The following C11orf91 variants were observed in gnomAD, a reference collection of about 807,000 sequenced individuals.
C11orf91 encodes uncharacterized protein C11orf91.
Under a neutral mutation model 14.3 loss-of-function variants are expected in C11orf91, and 10 were observed. The observed-to-expected ratio is 0.70, with a 90% CI of 0.43 to 1.18. The LOEUF is 1.18. C11orf91 is among the 50% of genes most tolerant of loss of function. The pLI is 0.00. For synonymous variants in C11orf91, 141 were observed against 130.6 expected, an observed-to-expected ratio of 1.08 and a Z score of -0.54; for missense variants, 236 against 269.0, an observed-to-expected ratio of 0.88 and a Z score of 0.86.
chr11:33,700,538 G>T lies in C11orf91; in HGVS notation c.203C>A (p.Ala68Glu), dbSNP rs149234067. The T allele has an allele frequency of 0.29, 394,797 of 1,375,502 alleles. 59,196 individuals carry two copies. The highest frequency in any genetic ancestry group is 0.37 in the Middle Eastern group (1,385 of 3,766). 85.2% of individuals were successfully genotyped at this position (1,375,502 alleles called of 1,614,324 possible). Residue 68 changes from alanine (A) to glutamate (E), a missense_variant, in exon 1 of 2, where the codon GCG becomes GAG. Transcript: ENST00000379011. ...GAAGARSLSQALPAPAPPPPP... is the reference protein window; with the variant it reads ...GAAGARSLSQELPAPAPPPPP... Reference sequence around the variant, plus strand: ...GGGCGGGGGCGCCGGGGCGGGGAGCGCCTGGGACAGGGACCGGGCCCCCGC... The same window carrying T: ...GGGCGGGGGCGCCGGGGCGGGGAGCTCCTGGGACAGGGACCGGGCCCCCGC...
chr11:33,700,246 G>A lies in C11orf91; in HGVS notation c.495C>T (p.Ser165=), dbSNP rs549366850. ...GGTGGCCCTGGCGAGGTCACGCACA[G>A]CTCTGGGAGTCGAAGCCGTCCCCAG... ...TITGDGFDSQ[S]YTFLKALKDE... The change falls in exon 1 of 2, where the codon AGC becomes AGT. Residue 165 remains serine (S), a splice_region_variant and synonymous_variant. Coordinates refer to ENST00000379011, the MANE Select transcript of C11orf91 (RefSeq NM_001166692.2). 2.6e-6 allele frequency: 4 copies of A among 1,533,282 alleles called. No homozygotes were observed. The South Asian group carries it at 4.8e-5, about 18-fold the overall frequency. The allele number at this position is 1,533,282 out of a possible 1,614,324, so 95.0% of individuals were successfully genotyped here.
At chr11:33,704,342 A>T (rs1378934013), upstream of C11orf91, 2 of 152,208 alleles carry the variant, frequency 1.3e-5, no homozygotes, top group African/African-American at 2.4e-5. Context: ...AGGGACAACT[A>T]GTAGGTGGTC....
chr11:33,698,355 G>T lies in C11orf91; in HGVS notation c.*74C>A. The T allele has an allele frequency of 3.4e-6, 3 of 890,856 alleles. No individual in the cohort carries two copies. The South Asian group carries it at 4.3e-5, about 13-fold the overall frequency. The allele number at this position is 890,856 out of a possible 1,614,324, so 55.2% of individuals were successfully genotyped here. Reference sequence around the variant, plus strand: ...AACAGAAAATAACCATCTTTGAAATGACAACAAATGGGACACATTATCTAA... The same window carrying T: ...AACAGAAAATAACCATCTTTGAAATTACAACAAATGGGACACATTATCTAA... On this transcript the variant is annotated 3_prime_UTR_variant, in exon 2 of 2. Coordinates refer to ENST00000379011, the MANE Select transcript of C11orf91 (RefSeq NM_001166692.2).
chr11:33,699,328 T>G (rs888057091), intron 1 of C11orf91, among the ~76,000 whole-genome samples: 1 of 152,130 alleles, frequency 6.6e-6, no homozygotes, highest in Non-Finnish European at 1.5e-5. Flanking sequence ...CATACTTCCC[T>G]TCTCTGTGTG....
In C11orf91 at chr11:33,700,586, C is replaced by G. The variant is rs1207076656; in HGVS notation, c.155G>C (p.Gly52Ala). 4 of 1,459,370 alleles carry G rather than the reference C, an allele frequency of 2.7e-6. No individual in the cohort carries two copies. The highest frequency in any genetic ancestry group is 3.6e-6 in the Non-Finnish European group (4 of 1,110,104). 90.4% of individuals were successfully genotyped at this position (1,459,370 alleles called of 1,614,324 possible). Reference sequence around the variant, plus strand: ...CGCCGCCCCGCCCACTGGCGCCCCGCCCGCCTTCAGCGGCACGAAGAGCTT... The same window carrying G: ...CGCCGCCCCGCCCACTGGCGCCCCGGCCGCCTTCAGCGGCACGAAGAGCTT... ...WKKLFVPLKA[G>A]GAPVGGAAGA... Residue 52 changes from glycine (G) to alanine (A), a missense_variant, in exon 1 of 2, where the codon GGC (glycine) becomes GCC (alanine). Physicochemically the swap from Gly to Ala is moderately conservative, Grantham distance 60. Coordinates refer to ENST00000379011, the MANE Select transcript of C11orf91 (RefSeq NM_001166692.2).
intron 1 of C11orf91, chr11:33,699,641 A>G (rs922029063): frequency 1.4e-4 from 62 of 456,188 alleles, no homozygotes; most frequent in African/African-American, 1.1e-3. Flanking sequence ...AAGACCAGAT[A>G]TCAGCCCAGG....
At chr11:33,703,891 T>G (rs1853201811), upstream of C11orf91, 2 of 152,274 alleles carry the variant, frequency 1.3e-5, no homozygotes, top group East Asian at 3.8e-4. Context: ...CTCATTGCAG[T>G]TGGCACTAAT....
At chr11:33,699,704 C>T (rs959151295) in intron 1 of C11orf91, 81 of 452,154 alleles carry the variant, frequency 1.8e-4, no homozygotes, top group African/African-American at 1.5e-3. Flanking sequence ...AGGGGGGCTG[C>T]CCCCCAGCAT....
chr11:33,698,552 T>C, intron 1 of C11orf91, 38 bp from the exon 2 acceptor site: 1 of 1,413,696 alleles, frequency 7.1e-7, no homozygotes, highest in Non-Finnish European at 9.7e-7. Context: ...GTAATAGAGA[T>C]AAGGGCTTTT....
chr11:33,703,726 G>A (rs1158957091), upstream of C11orf91: 3 of 152,124 alleles, frequency 2.0e-5, no homozygotes, highest in Admixed American at 2.0e-4. Flanking sequence ...AGCTTGCCAA[G>A]GACAGGACTG....
Position 33,698,524 on chromosome 11 carries a change from A to G in C11orf91, c.497-10T>C. Reference sequence around the variant, plus strand: ...GCCTTCAGGAATGTGTCTGCAGGAGAGCAAAACAAACTTAGCCGTAATAGA... The same window carrying G: ...GCCTTCAGGAATGTGTCTGCAGGAGGGCAAAACAAACTTAGCCGTAATAGA... On this transcript the variant is annotated splice_polypyrimidine_tract_variant and intron_variant, in intron 1 of 1. Transcript: ENST00000379011. 1 of 1,532,320 alleles carries G rather than the reference A, an allele frequency of 6.5e-7. No individual in the cohort carries two copies. The highest frequency in any genetic ancestry group is 8.8e-7 in the Non-Finnish European group (1 of 1,142,352). The allele number at this position is 1,532,320 out of a possible 1,614,324, so 94.9% of individuals were successfully genotyped here. A position where few individuals can be genotyped will look rare whatever the true frequency, so the allele number is the denominator to read the frequency against.
Position 33,698,328 on chromosome 11 carries a change from A to G in C11orf91, c.*101T>C, listed in dbSNP as rs1046757712. On this transcript the variant is annotated 3_prime_UTR_variant, in exon 2 of 2. Transcript: ENST00000379011. ...TAGCAACAAGAACAGCGGTAAATAC[A>G]GAACAGAAAATAACCATCTTTGAAA... The G allele has an allele frequency of 2.6e-6, 2 of 765,850 alleles. No homozygotes were observed. The highest frequency in any genetic ancestry group is 1.7e-5 in the African/African-American group (1 of 57,734). 47.4% of individuals were successfully genotyped at this position (765,850 alleles called of 1,614,324 possible).
rs1166184253 is a variant in C11orf91, at chr11:33,698,440, A to C, written c.571T>G (p.Ser191Ala). Residue 191 changes from serine (S) to alanine (A), a missense_variant, in exon 2 of 2, where the codon TCT becomes GCT. Coordinates refer to ENST00000379011, the MANE Select transcript of C11orf91 (RefSeq NM_001166692.2). ...KTKQPGKKSA[S>A]LS ...TGGTAGGCAGCTCCTCAGGAGAGAG[A>C]GGCCGACTTCTTTCCAGGTTGCTTG... 1 of 1,536,840 alleles carries C rather than the reference A, an allele frequency of 6.5e-7. No individual in the cohort carries two copies. The highest frequency in any genetic ancestry group is 1.2e-5 in the South Asian group (1 of 84,050).
chr11:33,701,204 C>T (rs1041603684), upstream of C11orf91, among the ~76,000 whole-genome samples: 3 of 152,244 alleles, frequency 2.0e-5, no homozygotes, highest in Non-Finnish European at 4.4e-5. Flanking sequence ...ACCTCATTGC[C>T]TCACTGGCCG....
In C11orf91 at chr11:33,700,329, G is replaced by A; in HGVS notation, c.412C>T (p.Pro138Ser). ...STPRLASASHPEELCELEIRI... is the reference protein window; with the variant it reads ...STPRLASASHSEELCELEIRI... The stretch of plus-strand genomic sequence containing the variant: ...ATCTCCAGCTCGCAGAGCTCCTCCG[G>A]GTGGGAGGCAGAGGCGAGCCTGGGG... Residue 138 changes from proline to serine, a missense_variant, in exon 1 of 2, where the codon CCG (proline) becomes TCG (serine). Physicochemically the swap from Pro to Ser is moderately conservative, Grantham distance 74 (BLOSUM62 -1). Transcript: ENST00000379011. The A allele has an allele frequency of 6.5e-7, 1 of 1,535,592 alleles. No homozygotes were observed. Among genetic ancestry groups the A allele is most frequent in the East Asian group, 2.4e-5 (1 of 40,892 alleles).
upstream of C11orf91, chr11:33,704,595 C>T (rs1367291017): frequency 6.6e-6 from 1 of 152,180 alleles, no homozygotes; most frequent in Non-Finnish European, 1.5e-5. Flanking sequence ...TTTAACTTTT[C>T]TAACAACCCT....
the C11orf91 span, chr11:33,706,480 C>CA: frequency 2.1e-5 from 3 of 145,250 alleles, no homozygotes; most frequent in Non-Finnish European, 4.5e-5. Flanking sequence ...AGACCCTTTA[C>CA]AAATGCATTA....
chr11:33,698,496 A>C lies in C11orf91; in HGVS notation c.515T>G (p.Leu172Arg). ...DSQSYTFLKALKDEKLQGLKT... is the reference protein window; with the variant it reads ...DSQSYTFLKARKDEKLQGLKT... ...CAGTCCTTGTAACTTTTCGTCTTTT[A>C]GCGCCTTCAGGAATGTGTCTGCAGG... The change falls in exon 2 of 2, where the codon CTA becomes CGA. Residue 172 changes from leucine (L) to arginine (R), a missense_variant. Leu to Arg is a moderately radical substitution (Grantham distance 102, BLOSUM62 -2). Coordinates refer to ENST00000379011, the MANE Select transcript of C11orf91 (RefSeq NM_001166692.2). 1 of 1,537,488 alleles carries C rather than the reference A, an allele frequency of 6.5e-7. No individual in the cohort carries two copies. The highest frequency in any genetic ancestry group is 8.7e-7 in the Non-Finnish European group (1 of 1,146,862).
At chr11:33,705,589 G>T, upstream of C11orf91, 1 of 152,410 alleles carries the variant, frequency 6.6e-6, no homozygotes, top group South Asian at 2.0e-4. Context: ...TTTGGCCACA[G>T]ACTGAAGGCT....
Sources: allele counts gnomAD v4.1 joint callset (sites outside exome capture counted in the v4.1 genomes callset), GRCh38; gene constraint gnomAD v4.1.1; transcripts MANE v1.5; gene names NCBI Gene and HGNC (gene_info 2026-07-23, HGNC 2026-07-21).